Variants in RBPJL observed in about 807,000 individuals in gnomAD.
RBPJL encodes the protein recombining binding protein suppressor of hairless-like protein.
RBPJL carries 50 observed loss-of-function variants against 57.6 expected under a neutral mutation model. That is an observed-to-expected ratio of 0.87 (90% CI 0.69 to 1.10). The LOEUF (loss-of-function observed/expected upper bound fraction) is 1.10, where lower values mean the gene tolerates loss of function less well. Ranked by LOEUF, RBPJL falls within the 50% of genes least tolerant of loss-of-function variation. RBPJL has a pLI of 0.00. For missense variants in RBPJL, 684 were observed against 693.7 expected (o/e 0.99, Z 0.16); for synonymous variants, 303 against 294.4 (o/e 1.03, Z -0.30).
Position 45,317,258 on chromosome 20 carries a change from A to G in RBPJL, c.*299A>G. ...CCTCTCTCTCTCTCCCTTCCCCCTC[A>G]GTACTTAGTCTACAGACCTATGTGC... On this transcript the variant is annotated 3_prime_UTR_variant, in exon 12 of 12. Transcript: ENST00000343694. The G allele has an allele frequency of 2.0e-6, 1 of 492,298 alleles. No homozygotes were observed. Among genetic ancestry groups the G allele is most frequent in the Non-Finnish European group, 3.6e-6 (1 of 277,706 alleles). The allele number at this position is 492,298 out of a possible 1,614,324, so 30.5% of individuals were successfully genotyped here.
intron 2 of RBPJL, chr20:45,308,596 G>T: frequency 3.5e-6 from 1 of 284,628 alleles, no homozygotes; most frequent in Non-Finnish European, 6.8e-6. Context: ...GGGTGGAGCG[G>T]TCCTGGCTGT....
In RBPJL at chr20:45,317,287, T is replaced by G. The variant is rs924322116; in HGVS notation, c.*328T>G. The G allele has an allele frequency of 1.9e-5, 7 of 366,102 alleles. No individual in the cohort carries two copies. Among genetic ancestry groups the G allele is most frequent in the Admixed American group, 4.5e-5 (1 of 22,400 alleles). 22.7% of individuals were successfully genotyped at this position (366,102 alleles called of 1,614,324 possible). A position where few individuals can be genotyped will look rare whatever the true frequency, so the allele number is the denominator to read the frequency against. ...CTTAGTCTACAGACCTATGTGCGTG[T>G]CCCTATCCTTCTGTCCTTTTCTCTC... On this transcript the variant is annotated 3_prime_UTR_variant, in exon 12 of 12. Transcript: ENST00000343694.
At position 45,316,238 on chromosome 20, in the gene RBPJL, T is replaced by C. The variant is rs756365023; in HGVS notation, c.1072T>C (p.Cys358Arg). 31 of 1,614,150 alleles carry C rather than the reference T, an allele frequency of 1.9e-5. No homozygotes were observed. Among genetic ancestry groups the C allele is most frequent in the Non-Finnish European group, 2.5e-5 (30 of 1,180,044 alleles). The change falls in exon 10 of 12, where the codon TGC becomes CGC. Residue 358 changes from cysteine to arginine, a missense_variant. By Grantham distance (180) the Cys-to-Arg change is radical. Coordinates refer to ENST00000343694, the MANE Select transcript of RBPJL (RefSeq NM_014276.4). ...ANRALLNDSS[C>R]WTIIGTESVE... ...CAGGGCTCTGCTTAACGACAGCTCT[T>C]GCTGGACCATCATCGGCACCGAGTC...
In RBPJL at chr20:45,312,061, C is replaced by T. The variant is rs1044158355; in HGVS notation, c.444+107C>T. On this transcript the variant is annotated intron_variant, in intron 5 of 11. Transcript: ENST00000343694. ...GAAAGCCAAGAGATAGGTGGGGAGA[C>T]CGGGAGGCCGGGGTCCTGCCTTAAG... 3.9e-5 allele frequency: 56 copies of T among 1,420,842 alleles called. 1 individual carries two copies. In the Admixed American group the frequency reaches 9.4e-4, roughly 24 times the overall value. 88.0% of individuals were successfully genotyped at this position (1,420,842 alleles called of 1,614,324 possible). A position where few individuals can be genotyped will look rare whatever the true frequency, so the allele number is the denominator to read the frequency against.
intron 9 of RBPJL, 84 bp from the exon 10 acceptor site, chr20:45,316,103 C>G (rs1987450404): frequency 5.0e-6 from 7 of 1,402,692 alleles, no homozygotes; most frequent in Non-Finnish European, 6.9e-6. Context: ...CGGTCTAACG[C>G]AGAAGCCCAC....
In RBPJL at chr20:45,314,198, T is replaced by C. The variant is rs1055573403; in HGVS notation, c.867+54T>C. ...GGTCCCCTCAGATCCATGCAGAGAA[T>C]GTGGCACACACGGGCAGGGCTGGAG... On this transcript the variant is annotated intron_variant, in intron 8 of 11. Coordinates refer to ENST00000343694, the MANE Select transcript of RBPJL (RefSeq NM_014276.4). 4 of 1,488,996 alleles carry C rather than the reference T, an allele frequency of 2.7e-6. No individual in the cohort carries two copies. In the African/African-American group the frequency reaches 5.5e-5, roughly 21 times the overall value. The allele number at this position is 1,488,996 out of a possible 1,614,324, so 92.2% of individuals were successfully genotyped here.
chr20:45,315,759 AAAGGAAGG>A (rs1157131264), intron 9 of RBPJL, among the ~76,000 whole-genome samples: 15 of 150,916 alleles, frequency 9.9e-5, no homozygotes, highest in Admixed American at 8.6e-4. Flanking sequence ...AAAAAGGAAG[AAAGGAAGG>A]AAGGAAGGAA....
chr20:45,307,422 G>C (rs1458888461), intron 1 of RBPJL, among the ~76,000 whole-genome samples: 6 of 152,192 alleles, frequency 3.9e-5, no homozygotes, highest in Admixed American at 2.0e-4. Flanking sequence ...CGTCGTGGGA[G>C]GGTGACCAAG....
At chr20:45,307,478 G>A (rs1038536118) in intron 1 of RBPJL, among the ~76,000 whole-genome samples, 2 of 152,190 alleles carry the variant, frequency 1.3e-5, no homozygotes, top group Non-Finnish European at 2.9e-5. Flanking sequence ...GGGAACCCTT[G>A]TCAAGCTTGG....
At chr20:45,314,328 G>A in intron 8 of RBPJL, 85 bp from the exon 9 acceptor site, 1 of 1,468,414 alleles carries the variant, frequency 6.8e-7, no homozygotes, top group Non-Finnish European at 9.4e-7. Flanking sequence ...TGTGGCTATT[G>A]GAGTAGCAGA....
intron 6 of RBPJL, 52 bp downstream of exon 6, chr20:45,312,447 C>G (rs771482182): frequency 1.3e-6 from 2 of 1,565,598 alleles, no homozygotes; most frequent in South Asian, 2.3e-5. Flanking sequence ...TGCAACCAAG[C>G]CCAGAACGGC....
chr20:45,316,552 G>A lies in RBPJL; in HGVS notation c.1252G>A (p.Gly418Arg). Residue 418 changes from glycine (G) to arginine (R), a missense_variant, in exon 11 of 12, where the codon GGG (glycine) becomes AGG (arginine). Coordinates refer to ENST00000343694, the MANE Select transcript of RBPJL (RefSeq NM_014276.4). ...CCACGCGGGGCTCAAGGTGTGGTTT[G>A]GGGACGTGGAGGCAGAAACCATGTA... is the stretch of plus-strand genomic sequence containing the variant. ...NFHAGLKVWF[G>R]DVEAETMYRS... 6.5e-7 allele frequency: 1 copy of A among 1,536,456 alleles called. No homozygotes were observed. The highest frequency in any genetic ancestry group is 8.8e-7 in the Non-Finnish European group (1 of 1,142,260).
At chr20:45,312,143 T>TC (rs1987207477) in intron 5 of RBPJL, 78 bp from the exon 6 acceptor site, 1 of 1,601,870 alleles carries the variant, frequency 6.2e-7, no homozygotes, top group Non-Finnish European at 8.5e-7. Flanking sequence ...GGGGCGGACG[T>TC]CCGATATCTG....
Position 45,313,605 on chromosome 20 carries a change from G to C in RBPJL, c.757G>C (p.Ala253Pro), listed in dbSNP as rs769648525. Residue 253 changes from alanine to proline, a missense_variant and splice_region_variant, in exon 7 of 12, where the codon GCT becomes CCT. Coordinates refer to ENST00000343694, the MANE Select transcript of RBPJL (RefSeq NM_014276.4). ...GTGGGCTGCCTTCACGCTCCACCTGGGTAATGACATCTGCAGGCCCTGGAG... is the reference window on the plus strand; with the variant it reads ...GTGGGCTGCCTTCACGCTCCACCTGCGTAATGACATCTGCAGGCCCTGGAG... ...RQWAAFTLHL[A>P]DGHSAQGDFP... The C allele has an allele frequency of 6.2e-7, 1 of 1,604,986 alleles. No homozygotes were observed. Among genetic ancestry groups the C allele is most frequent in the South Asian group, 1.1e-5 (1 of 89,862 alleles).
intron 5 of RBPJL, 36 bp from the exon 6 acceptor site, chr20:45,312,185 T>C (rs1433496425): frequency 6.2e-7 from 1 of 1,613,610 alleles, no homozygotes; most frequent in African/African-American, 1.3e-5. Context: ...GGGGGAGGGC[T>C]GGGATGAGAT....
rs533358769 is a variant in RBPJL, at chr20:45,308,222, C to G, written c.102C>G (p.Asp34Glu). 59 of 1,613,926 alleles carry G rather than the reference C, an allele frequency of 3.7e-5. No homozygotes were observed. The South Asian group carries it at 4.9e-4, about 14-fold the overall frequency. The part of the protein sequence containing the change: ...RSEMQLQSEA[D>E]RRSLPGTWTR... ...AGATGCAGCTGCAGAGCGAAGCCGA[C>G]AGGCGGAGCCTCCCGGGCACTTGGA... The change falls in exon 2 of 12, where the codon GAC (aspartate) becomes GAG (glutamate). Residue 34 changes from aspartate (D) to glutamate (E), a missense_variant. Asp to Glu is a conservative substitution (Grantham distance 45, BLOSUM62 2). Coordinates refer to ENST00000343694, the MANE Select transcript of RBPJL (RefSeq NM_014276.4).
Position 45,313,536 on chromosome 20 carries a change from T to C in RBPJL, c.688T>C (p.Tyr230His), listed in dbSNP as rs763032511. Residue 230 changes from tyrosine (Y) to histidine (H), a missense_variant, in exon 7 of 12, where the codon TAC becomes CAC. Tyr to His is a moderately conservative substitution (Grantham distance 83). Coordinates refer to ENST00000343694, the MANE Select transcript of RBPJL (RefSeq NM_014276.4). ...GCGCTCTCAGACGGTCTCCACACGCTACCTCTCTGTGGAGGATGGGGCCTT... is the reference window on the plus strand; with the variant it reads ...GCGCTCTCAGACGGTCTCCACACGCCACCTCTCTGTGGAGGATGGGGCCTT... ...RLRSQTVSTR[Y>H]LSVEDGAFVA... The C allele has an allele frequency of 6.2e-7, 1 of 1,614,064 alleles. No homozygotes were observed. Among genetic ancestry groups the C allele is most frequent in the Non-Finnish European group, 8.5e-7 (1 of 1,179,966 alleles).
At chr20:45,312,187 GGATGA>G in intron 5 of RBPJL, 29 bp from the exon 6 acceptor site, 3 of 1,613,678 alleles carry the variant, frequency 1.9e-6, no homozygotes, top group Non-Finnish European at 2.5e-6. Context: ...GGGAGGGCTG[GGATGA>G]GATGGCCCTG....
At chr20:45,313,946 G>A in intron 7 of RBPJL, 89 bp from the exon 8 acceptor site, 1 of 927,080 alleles carries the variant, frequency 1.1e-6, no homozygotes, top group Non-Finnish European at 1.7e-6. Context: ...TGTGTGATGT[G>A]AGGAAGAGCC....
Sources: gnomAD v4.1 joint callset for allele counts (sites outside exome capture counted in the v4.1 genomes callset) on GRCh38, gnomAD v4.1.1 for gene constraint, MANE v1.5 for transcripts, NCBI Gene and HGNC (gene_info 2026-07-23, HGNC 2026-07-21) for gene names.